The following LRRC4C variants were observed in gnomAD, a reference collection of about 807,000 sequenced individuals.
LRRC4C encodes leucine-rich repeat-containing protein 4C.
Under a neutral mutation model 33.6 loss-of-function variants are expected in LRRC4C, and 5 were observed. The observed-to-expected ratio is 0.15, with a 90% confidence interval of 0.08 to 0.31. The LOEUF (loss-of-function observed/expected upper bound fraction) is 0.31, where lower values mean the gene tolerates loss of function less well. Ranked by LOEUF, LRRC4C falls within the 10% of genes least tolerant of loss-of-function variation. The pLI is 1.00. For synonymous variants in LRRC4C, 329 were observed against 302.0 expected, an observed-to-expected ratio of 1.09 and a Z score of -0.93; for missense variants, 560 against 796.7, an observed-to-expected ratio of 0.70 and a Z score of 3.58.
At chr11:41,279,598 C>T (rs1186734006) in intron 1 of LRRC4C, among the ~76,000 whole-genome samples, 1 of 152,110 alleles carries the variant, frequency 6.6e-6, no homozygotes, top group Non-Finnish European at 1.5e-5. Flanking sequence ...ATCTACTTCC[C>T]TCACTCCCTT....
At chr11:40,431,137 TAAAA>T (rs750121954) in intron 3 of LRRC4C, among the ~76,000 whole-genome samples, 1 of 130,952 alleles carries the variant, frequency 7.6e-6, no homozygotes. Flanking sequence ...CATTGTACTT[TAAAA>T]AAAAAAAAAA....
chr11:41,328,380 T>C (rs1335217786), intron 1 of LRRC4C, among the ~76,000 whole-genome samples: 1 of 152,152 alleles, frequency 6.6e-6, no homozygotes, highest in Non-Finnish European at 1.5e-5. Context: ...TTGAGTTTTA[T>C]TTAGAATCCT....
At chr11:40,977,751 C>A (rs1222836978) in intron 1 of LRRC4C, among the ~76,000 whole-genome samples, 2 of 152,126 alleles carry the variant, frequency 1.3e-5, no homozygotes. Context: ...ATTCCAAATG[C>A]AACTCAATCA....
chr11:41,039,192 G>C (rs971073826), intron 1 of LRRC4C, among the ~76,000 whole-genome samples: 1 of 152,072 alleles, frequency 6.6e-6, no homozygotes, highest in Non-Finnish European at 1.5e-5. Flanking sequence ...TAACCTTACT[G>C]CATGCCAGGT....
At chr11:41,404,051 A>G (rs1480452259) in intron 1 of LRRC4C, among the ~76,000 whole-genome samples, 1 of 152,148 alleles carries the variant, frequency 6.6e-6, no homozygotes, top group Non-Finnish European at 1.5e-5. Context: ...GTTGAGAAGT[A>G]AATTATGAGA....
At chr11:40,589,467 G>C (rs1958929803) in intron 3 of LRRC4C, among the ~76,000 whole-genome samples, 1 of 151,718 alleles carries the variant, frequency 6.6e-6, no homozygotes, top group African/African-American at 2.4e-5. Flanking sequence ...GGAGCATTTA[G>C]TCCATTTACA....
intron 4 of LRRC4C, among the ~76,000 whole-genome samples, chr11:40,302,233 A>G (rs1944809890): frequency 6.6e-6 from 1 of 152,198 alleles, no homozygotes; most frequent in Non-Finnish European, 1.5e-5. Flanking sequence ...ACAACCTTCA[A>G]TTGACAATCT....
chr11:41,318,708 T>C (rs556904778), intron 1 of LRRC4C, among the ~76,000 whole-genome samples: 3 of 152,230 alleles, frequency 2.0e-5, no homozygotes, highest in Non-Finnish European at 4.4e-5. Flanking sequence ...TTCCTAGATA[T>C]TTCCCACTAT....
At chr11:40,292,363 C>A (rs2136581383) in intron 4 of LRRC4C, 1 of 152,258 alleles carries the variant, frequency 6.6e-6, no homozygotes, top group East Asian at 1.9e-4. Context: ...AGGCACAAAT[C>A]CAACTGTGCT....
chr11:40,894,496 G>A (rs1371035560), intron 2 of LRRC4C, among the ~76,000 whole-genome samples: 1 of 152,118 alleles, frequency 6.6e-6, no homozygotes, highest in African/African-American at 2.4e-5. Flanking sequence ...TCTGAATAGA[G>A]AAGAAATAAA....
intron 2 of LRRC4C, among the ~76,000 whole-genome samples, chr11:40,885,211 G>C (rs888674685): frequency 6.6e-6 from 1 of 152,028 alleles, no homozygotes; most frequent in Non-Finnish European, 1.5e-5. Context: ...CTTTTTAGTA[G>C]TGAATAAATT....
intron 2 of LRRC4C, among the ~76,000 whole-genome samples, chr11:40,899,472 T>C (rs1262261551): frequency 6.6e-6 from 1 of 152,164 alleles, no homozygotes; most frequent in Non-Finnish European, 1.5e-5. Context: ...AAAGAAACTT[T>C]CATGTCTTGT....
intron 2 of LRRC4C, among the ~76,000 whole-genome samples, chr11:40,851,940 G>T (rs1280509073): frequency 6.6e-6 from 1 of 151,984 alleles, no homozygotes; most frequent in African/African-American, 2.4e-5. Flanking sequence ...CCCTGCTATT[G>T]CAAACAAACT....
At chr11:40,814,607 G>T (rs1323527409) in intron 2 of LRRC4C, among the ~76,000 whole-genome samples, 1 of 151,756 alleles carries the variant, frequency 6.6e-6, no homozygotes, top group Non-Finnish European at 1.5e-5. Flanking sequence ...CCCAGAAAAT[G>T]GGTTTTTTCT....
intron 4 of LRRC4C, among the ~76,000 whole-genome samples, chr11:40,297,803 C>T (rs900297265): frequency 6.6e-6 from 1 of 152,058 alleles, no homozygotes; most frequent in African/African-American, 2.4e-5. Flanking sequence ...AAGTAGGTGC[C>T]ATTGATGAAA....
chr11:40,329,407 C>T (rs1486998406), intron 3 of LRRC4C, among the ~76,000 whole-genome samples: 4 of 152,094 alleles, frequency 2.6e-5, no homozygotes, highest in Non-Finnish European at 4.4e-5. Context: ...AAACATGCCA[C>T]GTGAGTCATG....
intron 1 of LRRC4C, among the ~76,000 whole-genome samples, chr11:40,968,422 G>A (rs747774556): frequency 1.3e-5 from 2 of 152,060 alleles, no homozygotes; most frequent in Non-Finnish European, 2.9e-5. Flanking sequence ...TGATGAAGGT[G>A]GATATGCTAT....
intron 1 of LRRC4C, among the ~76,000 whole-genome samples, chr11:41,103,247 A>T (rs1036023303): frequency 2.4e-4 from 37 of 152,002 alleles, no homozygotes; most frequent in African/African-American, 8.7e-4. Flanking sequence ...AAGATAGCTT[A>T]AAAAAATTAG....
At chr11:40,333,246 G>C (rs1194129655) in intron 3 of LRRC4C, among the ~76,000 whole-genome samples, 1 of 151,964 alleles carries the variant, frequency 6.6e-6, no homozygotes, top group African/African-American at 2.4e-5. Context: ...GAATTATTCT[G>C]ATTAATCATC....
Sources: allele counts gnomAD v4.1 joint callset (sites outside exome capture counted in the v4.1 genomes callset), GRCh38; gene constraint gnomAD v4.1.1; transcripts MANE v1.5; gene names NCBI Gene and HGNC (gene_info 2026-07-23, HGNC 2026-07-21).